Variants in FOXJ2 observed in about 807,000 individuals in gnomAD.
FOXJ2 encodes forkhead box protein J2.
In FOXJ2, 18 loss-of-function variants were observed where a neutral mutation model predicts 68.4. The ratio of observed to expected loss-of-function variants is 0.26; its 90% CI spans 0.18 to 0.39. The LOEUF (loss-of-function observed/expected upper bound fraction) is 0.39. Ranked by LOEUF, FOXJ2 falls within the 10% of genes least tolerant of loss-of-function variation. The pLI, the probability that FOXJ2 is intolerant of heterozygous loss-of-function variation, is 1.00. For synonymous variants in FOXJ2, 274 were observed against 263.2 expected, an observed-to-expected ratio of 1.04 and a Z score of -0.40; for missense variants, 670 against 726.5, an observed-to-expected ratio of 0.92 and a Z score of 0.89.
Position 8,040,103 on chromosome 12 carries a change from G to A in FOXJ2, c.271G>A (p.Glu91Lys), listed in dbSNP as rs1946945238. The change falls in exon 2 of 11, where the codon GAG (glutamate) becomes AAG (lysine). Residue 91 changes from glutamate (E) to lysine (K), a missense_variant. By Grantham distance (56) the Glu-to-Lys change is moderately conservative. This residue lies in a region of FOXJ2 where 115 missense variants were observed against 164.3 expected (regional missense o/e 0.70). Transcript: ENST00000162391. This position sits in a 1 kb window ranked among gnomAD's most constrained non-coding sequence, Gnocchi z 4.0. ...TCCAGCCAAGAAGATGACCCTCAGC[G>A]AGATTTACCGCTGGATCTGTGATAA... ...SSPAKKMTLS[E>K]IYRWICDNFP... 6.2e-7 allele frequency: 1 copy of A among 1,614,154 alleles called. No individual in the cohort carries two copies. The highest frequency in any genetic ancestry group is 8.5e-7 in the Non-Finnish European group (1 of 1,180,026).
At position 8,049,476 on chromosome 12, in the gene FOXJ2, C is replaced by T. The variant is rs1442052280; in HGVS notation, c.1442C>T (p.Pro481Leu). The change falls in exon 9 of 11, where the codon CCC (proline) becomes CTC (leucine). Residue 481 changes from proline to leucine, a missense_variant. Transcript: ENST00000162391. ...NHFLTQTGHV[P>L]PQGGTHRPPA... ...TTCCTTACTCAGACTGGTCACGTGC[C>T]CCCTCAAGGGGGTACCCACCGCCCA... 2 of 1,614,028 alleles carry T rather than the reference C, an allele frequency of 1.2e-6. No individual in the cohort carries two copies. Among genetic ancestry groups the T allele is most frequent in the African/African-American group, 2.7e-5 (2 of 74,926 alleles).
chr12:8,049,569 A>C lies in FOXJ2; in HGVS notation c.1535A>C (p.Gln512Pro), dbSNP rs765349062. The C allele has an allele frequency of 6.3e-7, 1 of 1,596,980 alleles. No homozygotes were observed. The highest frequency in any genetic ancestry group is 8.6e-7 in the Non-Finnish European group (1 of 1,167,852). ...TSGKQESAMS[Q>P]VNSYGHPQAP... The stretch of plus-strand genomic sequence containing the variant: ...GGCAAACAGGAGTCAGCCATGAGCC[A>C]AGGTACTGCACCAAGCCAGTTGCCA... Residue 512 changes from glutamine (Q) to proline (P), a missense_variant and splice_region_variant, in exon 9 of 11, where the codon CAA becomes CCA. Physicochemically the swap from Gln to Pro is moderately conservative, Grantham distance 76 (BLOSUM62 -1). Around this residue, in one of 2 missense-constraint regions of FOXJ2, gnomAD observed 555 missense variants for 562.2 expected, o/e 0.99. Coordinates refer to ENST00000162391, the MANE Select transcript of FOXJ2 (RefSeq NM_018416.3).
At chr12:8,042,086 T>C (rs1158708401) in intron 2 of FOXJ2, among the ~76,000 whole-genome samples, 4 of 152,074 alleles carry the variant, frequency 2.6e-5, no homozygotes, top group Admixed American at 6.5e-5. Flanking sequence ...CCATGTCGGC[T>C]AGGCTGGTCT....
Position 8,055,483 on chromosome 12 carries a change from TTAA to T in FOXJ2, c.*2637_*2639del, listed in dbSNP as rs1291003634. The T allele has an allele frequency of 6.6e-6, 1 of 152,166 alleles. No homozygotes were observed. Among genetic ancestry groups the T allele is most frequent in the Non-Finnish European group, 1.5e-5 (1 of 67,962 alleles). The allele number at this position is 152,166 out of a possible 1,614,324, so 9.4% of individuals were successfully genotyped here. On this transcript the variant is annotated 3_prime_UTR_variant, in exon 11 of 11. Coordinates refer to ENST00000162391, the MANE Select transcript of FOXJ2 (RefSeq NM_018416.3). ...TGTCATTGTTTTTTTGCATGCTTTC[TTAA>T]TAAAAAAAAAAAAAGAATGTTTACA...
At position 8,054,018 on chromosome 12, in the gene FOXJ2, A is replaced by T. The variant is rs747442890; in HGVS notation, c.*1168A>T. The stretch of plus-strand genomic sequence containing the variant: ...AACCTTTAGTGTTGGTGGTAGGAGG[A>T]TGGGGAGAGGAAAAAAGAGCTGGCA... On this transcript the variant is annotated 3_prime_UTR_variant, in exon 11 of 11. Coordinates refer to ENST00000162391, the MANE Select transcript of FOXJ2 (RefSeq NM_018416.3). 5 of 152,130 alleles carry T rather than the reference A, an allele frequency of 3.3e-5. No individual in the cohort carries two copies. Among genetic ancestry groups the T allele is most frequent in the Non-Finnish European group, 7.4e-5 (5 of 68,014 alleles). 9.4% of individuals were successfully genotyped at this position (152,130 alleles called of 1,614,324 possible). A position where few individuals can be genotyped will look rare whatever the true frequency, so the allele number is the denominator to read the frequency against.
At position 8,040,050 on chromosome 12, in the gene FOXJ2, C is replaced by T. The variant is rs1160748520; in HGVS notation, c.218C>T (p.Thr73Ile). 3.1e-6 allele frequency: 5 copies of T among 1,614,158 alleles called. No individual in the cohort carries two copies. The highest frequency in any genetic ancestry group is 4.2e-6 in the Non-Finnish European group (5 of 1,180,026). The change falls in exon 2 of 11, where the codon ACT becomes ATT. Residue 73 changes from threonine to isoleucine, a missense_variant. By Grantham distance (89) the Thr-to-Ile change is moderately conservative. Coordinates refer to ENST00000162391, the MANE Select transcript of FOXJ2 (RefSeq NM_018416.3). This position sits in a 1 kb window ranked among gnomAD's most constrained non-coding sequence, Gnocchi z 4.0. ...GGCAAGCCACGATACAGCTATGCCACTCTCATCACCTATGCCATCAACTCC... is the reference window on the plus strand; with the variant it reads ...GGCAAGCCACGATACAGCTATGCCATTCTCATCACCTATGCCATCAACTCC... ...QDGKPRYSYATLITYAINSSP... is the reference protein window; with the variant it reads ...QDGKPRYSYAILITYAINSSP...
intron 1 of FOXJ2, among the ~76,000 whole-genome samples, chr12:8,036,005 C>T (rs74063107): frequency 0.068 from 10,340 of 152,216 alleles, 1,159 homozygotes; most frequent in African/African-American, 0.24. Flanking sequence ...TCCACTTCTA[C>T]CTCTATAGTC....
chr12:8,054,439 T>G lies in FOXJ2; in HGVS notation c.*1589T>G, dbSNP rs1947162583. 6.6e-6 allele frequency: 1 copy of G among 152,360 alleles called. No homozygotes were observed. Among genetic ancestry groups the G allele is most frequent in the Admixed American group, 6.5e-5 (1 of 15,288 alleles). 9.4% of individuals were successfully genotyped at this position (152,360 alleles called of 1,614,324 possible). Reference sequence around the variant, plus strand: ...TGTGATTTCTGCTTTTCATGCATATTATTTTATTTACCCATAATTTCCAAG... The same window carrying G: ...TGTGATTTCTGCTTTTCATGCATATGATTTTATTTACCCATAATTTCCAAG... On this transcript the variant is annotated 3_prime_UTR_variant, in exon 11 of 11. Coordinates refer to ENST00000162391, the MANE Select transcript of FOXJ2 (RefSeq NM_018416.3).
intron 6 of FOXJ2, among the ~76,000 whole-genome samples, chr12:8,046,666 G>A (rs1947040319): frequency 6.6e-6 from 1 of 152,192 alleles, no homozygotes; most frequent in South Asian, 2.1e-4. Flanking sequence ...TGCAATATCT[G>A]TGTGTTCGTT....
rs762207947 is a variant in FOXJ2 at position 8,054,023 on chromosome 12, G to A, written c.*1173G>A. 14 of 152,292 alleles carry A rather than the reference G, an allele frequency of 9.2e-5. No homozygotes were observed. In the East Asian group the frequency reaches 2.3e-3, roughly 25 times the overall value. The allele number at this position is 152,292 out of a possible 1,614,324, so 9.4% of individuals were successfully genotyped here. ...TTAGTGTTGGTGGTAGGAGGATGGGGAGAGGAAAAAAGAGCTGGCAAAGAA... is the reference window on the plus strand; with the variant it reads ...TTAGTGTTGGTGGTAGGAGGATGGGAAGAGGAAAAAAGAGCTGGCAAAGAA... On this transcript the variant is annotated 3_prime_UTR_variant, in exon 11 of 11. Coordinates refer to ENST00000162391, the MANE Select transcript of FOXJ2 (RefSeq NM_018416.3).
chr12:8,041,450 C>T (rs891641666), intron 2 of FOXJ2, among the ~76,000 whole-genome samples: 26 of 151,816 alleles, frequency 1.7e-4, no homozygotes, highest in African/African-American at 6.3e-4. Flanking sequence ...AATGATCCAC[C>T]TCCTGCCTCA....
At position 8,048,527 on chromosome 12, in the gene FOXJ2, A is replaced by G. The variant is rs143891302; in HGVS notation, c.1226-170A>G. ...ATGAGCCTGGCTGTACTTAAAGCGT[A>G]GCTAGCTTTTCCAGTCCTAAACTCC... is the stretch of plus-strand genomic sequence containing the variant. On this transcript the variant is annotated intron_variant, in intron 7 of 10. Coordinates refer to ENST00000162391, the MANE Select transcript of FOXJ2 (RefSeq NM_018416.3). 6.2e-3 allele frequency among the ~76,000 whole-genome samples: 943 copies of G among 152,376 alleles called. 9 individuals carry two copies. The highest frequency in any genetic ancestry group is 7.0e-3 in the Non-Finnish European group (478 of 68,038).
chr12:8,049,182 A>C (rs1947079850), intron 8 of FOXJ2, among the ~76,000 whole-genome samples, 180 bp from the exon 9 acceptor site: 1 of 152,224 alleles, frequency 6.6e-6, no homozygotes, highest in Non-Finnish European at 1.5e-5. Context: ...GAATTTGGTA[A>C]GGGATCAAAT....
chr12:8,043,400 G>T (rs186412678), intron 3 of FOXJ2, among the ~76,000 whole-genome samples: 2 of 151,964 alleles, frequency 1.3e-5, no homozygotes, highest in Admixed American at 6.6e-5. Flanking sequence ...TGTTTCCCCC[G>T]TAAAAGAGAA....
At chr12:8,042,832 A>T in intron 3 of FOXJ2, 100 bp downstream of exon 3, 1 of 953,098 alleles carries the variant, frequency 1.0e-6, no homozygotes, top group Non-Finnish European at 1.6e-6. Flanking sequence ...CAGAAGAGGA[A>T]ATCATGCTAA....
chr12:8,044,554 CAAAA>C (rs1400341455), intron 5 of FOXJ2, among the ~76,000 whole-genome samples: 1 of 151,798 alleles, frequency 6.6e-6, no homozygotes, highest in Non-Finnish European at 1.5e-5. Context: ...AACAAACAAA[CAAAA>C]AAGAAGAAAT....
chr12:8,047,024 G>A lies in FOXJ2; in HGVS notation c.818-858G>A, dbSNP rs765166858. 5.9e-5 allele frequency among the ~76,000 whole-genome samples: 9 copies of A among 152,182 alleles called. No individual in the cohort carries two copies. The South Asian group carries it at 6.2e-4, about 11-fold the overall frequency. ...AGTTCACTCAAGTTTTATTGTGACC[G>A]AAAGCCCCTAGTCTCAGACTTTTGT... On this transcript the variant is annotated intron_variant, in intron 6 of 10. Transcript: ENST00000162391.
At position 8,038,078 on chromosome 12, in the gene FOXJ2, C is replaced by T. The variant is rs912323574; in HGVS notation, c.-14-1741C>T. Among the ~76,000 whole-genome samples the T allele has an allele frequency of 2.0e-5, 3 of 152,176 alleles. No individual in the cohort carries two copies. Among genetic ancestry groups the T allele is most frequent in the Non-Finnish European group, 4.4e-5 (3 of 68,044 alleles). On this transcript the variant is annotated intron_variant, in intron 1 of 10. Coordinates refer to ENST00000162391, the MANE Select transcript of FOXJ2 (RefSeq NM_018416.3). This position sits in a 1 kb window ranked among gnomAD's most constrained non-coding sequence, Gnocchi z 5.3. ...TCAAACAATTCTTGGGTTAGAGTTG[C>T]GTCTCTTGCTGCCCCCGCCCCTGAG...
chr12:8,042,079 T>G (rs1315710035), intron 2 of FOXJ2, among the ~76,000 whole-genome samples: 3 of 152,192 alleles, frequency 2.0e-5, no homozygotes, highest in Admixed American at 1.3e-4. Context: ...GGTTTCACCA[T>G]GTCGGCTAGG....
Sources: gnomAD v4.1 joint callset for allele counts (sites outside exome capture counted in the v4.1 genomes callset) on GRCh38, gnomAD v4.1.1 for gene constraint, gnomAD v4.1.1 regional missense constraint, Gnocchi (gnomAD v3.1) non-coding constraint, MANE v1.5 for transcripts, NCBI Gene and HGNC (gene_info 2026-07-23, HGNC 2026-07-21) for gene names.